LIMK2: variants seen among roughly 807,000 people sequenced by gnomAD.
LIMK2 encodes LIM domain kinase 2.
Under a neutral mutation model 75.7 loss-of-function variants are expected in LIMK2, and 35 were observed. The observed-to-expected ratio is 0.46, with a 90% CI of 0.35 to 0.61. The LOEUF is 0.61. Ranked by LOEUF, LIMK2 falls within the 20% of genes least tolerant of loss-of-function variation. LIMK2 has a pLI of 0.00. For synonymous variants in LIMK2, 301 were observed against 319.2 expected, an observed-to-expected ratio of 0.94 and a Z score of 0.61; for missense variants, 623 against 831.0, an observed-to-expected ratio of 0.75 and a Z score of 3.08.
At chr22:31,236,027 G>T (rs2048570860) in intron 2 of LIMK2, among the ~76,000 whole-genome samples, 1 of 152,240 alleles carries the variant, frequency 6.6e-6, no homozygotes, top group Non-Finnish European at 1.5e-5. Flanking sequence ...AGGCGTAGTG[G>T]CTCATGCCTA....
chr22:31,272,854 C>T, intron 13 of LIMK2, 150 bp downstream of exon 13: 1 of 1,407,966 alleles, frequency 7.1e-7, no homozygotes, highest in Non-Finnish European at 9.2e-7. Context: ...GGTGGGGCCT[C>T]ACGATTTAGC....
chr22:31,216,768 C>G (rs944030102), intron 1 of LIMK2, among the ~76,000 whole-genome samples: 3 of 152,152 alleles, frequency 2.0e-5, no homozygotes, highest in Middle Eastern at 3.2e-3. Context: ...CTTCTGGAGG[C>G]TGAGCTGATT....
intron 2 of LIMK2, among the ~76,000 whole-genome samples, chr22:31,236,574 A>G (rs1228693167): frequency 6.7e-6 from 1 of 149,304 alleles, no homozygotes. Context: ...GCACCACTAC[A>G]TGCCAGCCTG....
At chr22:31,234,326 TAA>T (rs1381969510) in intron 2 of LIMK2, among the ~76,000 whole-genome samples, 2 of 127,880 alleles carry the variant, frequency 1.6e-5, no homozygotes, top group Non-Finnish European at 1.7e-5. Context: ...GGAGTGATCT[TAA>T]AAAAAAAAAA....
At chr22:31,231,961 C>T (rs148734230) in intron 2 of LIMK2, among the ~76,000 whole-genome samples, 16 of 152,094 alleles carry the variant, frequency 1.1e-4, no homozygotes, top group Non-Finnish European at 2.2e-4. Flanking sequence ...GGACTACAGG[C>T]GTGCCACCAC....
At chr22:31,267,662 A>G (rs886126659) in intron 9 of LIMK2, 114 bp from the exon 10 acceptor site, 44 of 1,129,870 alleles carry the variant, frequency 3.9e-5, no homozygotes, top group Non-Finnish European at 3.6e-5. Context: ...ATCACAAGAT[A>G]GGAGGTAGGA....
Position 31,271,654 on chromosome 22 carries a change from T to C in LIMK2, c.1383+453T>C, listed in dbSNP as rs1601443951. Among the ~76,000 whole-genome samples, 4 of 152,242 alleles carry C rather than the reference T, an allele frequency of 2.6e-5. No individual in the cohort carries two copies. The South Asian group carries it at 8.3e-4, about 32-fold the overall frequency. On this transcript the variant is annotated intron_variant, in intron 12 of 15. Coordinates refer to ENST00000331728, the MANE Select transcript of LIMK2 (RefSeq NM_005569.4). The stretch of plus-strand genomic sequence containing the variant: ...CTCAGCTGTGGTGGTTACAATGTTG[T>C]TTGTCTTACTGACTTGCTATCTGGC...
chr22:31,222,199 T>G (rs1436783118), intron 1 of LIMK2, among the ~76,000 whole-genome samples: 1 of 151,350 alleles, frequency 6.6e-6, no homozygotes, highest in African/African-American at 2.4e-5. Flanking sequence ...GCCTCCTGAG[T>G]AGCTGGGATT....
chr22:31,262,268 A>C lies in LIMK2; in HGVS notation c.657+29A>C, dbSNP rs1421033048. 4.0e-6 allele frequency: 6 copies of C among 1,514,022 alleles called. No individual in the cohort carries two copies. Among genetic ancestry groups the C allele is most frequent in the Non-Finnish European group, 5.5e-6 (6 of 1,088,592 alleles). 93.8% of individuals were successfully genotyped at this position (1,514,022 alleles called of 1,614,324 possible). A position where few individuals can be genotyped will look rare whatever the true frequency, so the allele number is the denominator to read the frequency against. On this transcript the variant is annotated intron_variant, in intron 6 of 15. Transcript: ENST00000331728. This position sits in a 1 kb window ranked among gnomAD's most constrained non-coding sequence, Gnocchi z 5.0. The stretch of plus-strand genomic sequence containing the variant: ...GAGTGTGTGTCTAATCTGTCTTGTG[A>C]GGGTGGGACATGGAACAGATCCTCT...
chr22:31,231,638 T>C (rs901937883), intron 2 of LIMK2, among the ~76,000 whole-genome samples: 8 of 152,150 alleles, frequency 5.3e-5, no homozygotes, highest in Non-Finnish European at 8.8e-5. Flanking sequence ...TGTGCCTTAA[T>C]CCTGCTCTTT....
intron 5 of LIMK2, among the ~76,000 whole-genome samples, chr22:31,261,502 C>T (rs941537727): frequency 5.3e-5 from 8 of 150,496 alleles, no homozygotes; most frequent in Non-Finnish European, 1.0e-4. Flanking sequence ...GCAGAGATCA[C>T]GCCACTGCAC....
intron 11 of LIMK2, among the ~76,000 whole-genome samples, chr22:31,269,050 GT>G (rs1217590517): frequency 8.2e-6 from 1 of 121,832 alleles, no homozygotes; most frequent in African/African-American, 2.7e-5. Flanking sequence ...TTGTTTGTTT[GT>G]TTGTTTTTTT....
At chr22:31,249,912 AC>A (rs1173772789) in intron 2 of LIMK2, among the ~76,000 whole-genome samples, 6 of 152,168 alleles carry the variant, frequency 3.9e-5, no homozygotes, top group African/African-American at 1.2e-4. Flanking sequence ...TAATCTCTCA[AC>A]AGCCTAAAGA....
Position 31,258,296 on chromosome 22 carries a change from C to G in LIMK2, c.122C>G (p.Ser41Ter). ...GTTCTTGTCTTGCCTTTCAGGTGTT[C>G]AGAATGCCAGGATTCCCTCACCAAC... ...ETWHGSCFRC[S>*]ECQDSLTNWY... The change falls in exon 3 of 16, where the codon TCA (serine) becomes TGA (stop). Residue 41 changes from serine to a stop codon, truncating the protein, a stop_gained. Transcript: ENST00000331728. LOFTEE classifies it high-confidence loss of function. 1.2e-6 allele frequency: 2 copies of G among 1,601,694 alleles called. No individual in the cohort carries two copies. Among genetic ancestry groups the G allele is most frequent in the Non-Finnish European group, 1.7e-6 (2 of 1,171,752 alleles).
chr22:31,224,479 G>A (rs2048462503), intron 1 of LIMK2, among the ~76,000 whole-genome samples: 1 of 152,148 alleles, frequency 6.6e-6, no homozygotes, highest in African/African-American at 2.4e-5. Flanking sequence ...GAGTATGAAT[G>A]CTAGATCCAC....
chr22:31,265,564 T>A (rs113027190), intron 7 of LIMK2, among the ~76,000 whole-genome samples: 1 of 152,098 alleles, frequency 6.6e-6, no homozygotes, highest in Non-Finnish European at 1.5e-5. Context: ...ATTTGCTCAT[T>A]TTTTGGATAC....
At chr22:31,228,658 C>A (rs2048499383) in intron 2 of LIMK2, among the ~76,000 whole-genome samples, 1 of 152,112 alleles carries the variant, frequency 6.6e-6, no homozygotes, top group Admixed American at 6.5e-5. Flanking sequence ...TAGGGCCGGA[C>A]GTGGTGGCTT....
Position 31,212,326 on chromosome 22 carries a change from A to T in LIMK2, c.-83A>T. The stretch of plus-strand genomic sequence containing the variant: ...TTCCCGCGCCTGAGGCGGCGGCGGC[A>T]GGAGCTGAGGGGAGTTGTAGGGAAC... On this transcript the variant is annotated 5_prime_UTR_variant, in exon 1 of 16. Transcript: ENST00000331728. The T allele has an allele frequency of 9.3e-6, 12 of 1,285,464 alleles. No individual in the cohort carries two copies. The highest frequency in any genetic ancestry group is 1.2e-5 in the Non-Finnish European group (12 of 1,002,496). The allele number at this position is 1,285,464 out of a possible 1,614,324, so 79.6% of individuals were successfully genotyped here.
chr22:31,237,930 C>A lies in LIMK2; in HGVS notation c.116+12111C>A, dbSNP rs556512546. Among the ~76,000 whole-genome samples the A allele has an allele frequency of 2.6e-4, 37 of 142,088 alleles. No individual in the cohort carries two copies. The East Asian group carries it at 7.0e-3, about 27-fold the overall frequency. The allele number at this position is 142,088 out of a possible 152,430, so 93.2% of individuals were successfully genotyped here. On this transcript the variant is annotated intron_variant, in intron 2 of 15. Coordinates refer to ENST00000331728, the MANE Select transcript of LIMK2 (RefSeq NM_005569.4). Reference sequence around the variant, plus strand: ...GACTAGCCTGGCCAACATGGTGAAACCCTGTCTCTGCTAAAAAAAAAAAAA... The same window carrying A: ...GACTAGCCTGGCCAACATGGTGAAAACCTGTCTCTGCTAAAAAAAAAAAAA...
Sources: allele counts gnomAD v4.1 joint callset (sites outside exome capture counted in the v4.1 genomes callset), GRCh38; gene constraint gnomAD v4.1.1; non-coding constraint Gnocchi (gnomAD v3.1); transcripts MANE v1.5; gene names NCBI Gene and HGNC (gene_info 2026-07-23, HGNC 2026-07-21).